LAMA5: variants seen among roughly 807,000 people sequenced by gnomAD.
LAMA5 encodes the protein laminin subunit alpha-5.
Under a neutral mutation model 433.4 loss-of-function variants are expected in LAMA5, and 260 were observed. That is an observed-to-expected ratio of 0.60 (90% CI 0.54 to 0.66). The LOEUF is 0.66. Ranked by LOEUF, LAMA5 falls within the 30% of genes least tolerant of loss-of-function variation. The probability of loss-of-function intolerance (pLI) is 0.00; values close to 1 mark genes in which losing one functional copy is unlikely to be tolerated. For synonymous variants in LAMA5, 2,620 were observed against 2,226.6 expected, an observed-to-expected ratio of 1.18 and a Z score of -4.97; for missense variants, 5,378 against 5,258.5, an observed-to-expected ratio of 1.02 and a Z score of -0.70.
chr20:62,343,844 T>TA (rs900882673), intron 11 of LAMA5, among the ~76,000 whole-genome samples: 1 of 142,822 alleles, frequency 7.0e-6, no homozygotes, highest in Non-Finnish European at 1.5e-5. Context: ...AAAGTGCAGC[T>TA]AAAAATGACA....
At position 62,332,608 on chromosome 20, in the gene LAMA5, G is replaced by A; in HGVS notation, c.3392C>T (p.Pro1131Leu). Residue 1131 changes from proline to leucine, a missense_variant, in exon 27 of 80, where the codon CCA becomes CTA. By Grantham distance (98) the Pro-to-Leu change is moderately conservative (BLOSUM62 -3). Coordinates refer to ENST00000252999, the MANE Select transcript of LAMA5 (RefSeq NM_005560.6). Reference sequence around the variant, plus strand: ...CAGCCCCTGCTGGGGGGCCCGCTGTGGGGTGTGCACGGCCACGCCCACCTC... The same window carrying A: ...CAGCCCCTGCTGGGGGGCCCGCTGTAGGGTGTGCACGGCCACGCCCACCTC... ...RQEVGVAVHT[P>L]QRAPQQGLLS... 2 of 1,602,136 alleles carry A rather than the reference G, an allele frequency of 1.2e-6. No individual in the cohort carries two copies. Among genetic ancestry groups the A allele is most frequent in the Non-Finnish European group, 1.7e-6 (2 of 1,174,020 alleles).
chr20:62,362,871 G>A (rs557436417), intron 1 of LAMA5, among the ~76,000 whole-genome samples: 2 of 105,432 alleles, frequency 1.9e-5, no homozygotes, highest in African/African-American at 5.9e-5. Context: ...TACGTGGTAA[G>A]GGGGGGGGTG....
In LAMA5 at chr20:62,336,731, C is replaced by T. The variant is rs758103363; in HGVS notation, c.2217+3G>A. 1.2e-6 allele frequency: 2 copies of T among 1,613,074 alleles called. No individual in the cohort carries two copies. The highest frequency in any genetic ancestry group is 2.2e-5 in the East Asian group (1 of 44,882). ...TCCCACACACGAGCAGACTTGGGCTCACCTCAGGAAGGGCAGGATCCACTG... is the reference window on the plus strand; with the variant it reads ...TCCCACACACGAGCAGACTTGGGCTTACCTCAGGAAGGGCAGGATCCACTG... On this transcript the variant is annotated splice_donor_region_variant and intron_variant, in intron 17 of 79. Coordinates refer to ENST00000252999, the MANE Select transcript of LAMA5 (RefSeq NM_005560.6).
Position 62,320,937 on chromosome 20 carries a change from G to A in LAMA5, c.6497-47C>T, listed in dbSNP as rs759074620. ...AGGTCAGTGTCATTGGGTCAGGCCA[G>A]GGGAGAATGATCAGCTGGGGCCCTG... On this transcript the variant is annotated intron_variant, in intron 48 of 79. Coordinates refer to ENST00000252999, the MANE Select transcript of LAMA5 (RefSeq NM_005560.6). 6 of 1,562,540 alleles carry A rather than the reference G, an allele frequency of 3.8e-6. No homozygotes were observed. The East Asian group carries it at 6.8e-5, about 18-fold the overall frequency.
In LAMA5 at chr20:62,320,558, C is replaced by T. The variant is rs764287262; in HGVS notation, c.6759+1G>A. On this transcript the variant is annotated splice_donor_variant, in intron 50 of 79. Coordinates refer to ENST00000252999, the MANE Select transcript of LAMA5 (RefSeq NM_005560.6). LOFTEE classifies it high-confidence loss of function. ...GCCCTGGGGGGTCTTGGGGCTCCTG[C>T]CTGGCCGCCTAGCCGCCGTGCGTCC... 1 of 1,588,450 alleles carries T rather than the reference C, an allele frequency of 6.3e-7. No individual in the cohort carries two copies. The highest frequency in any genetic ancestry group is 8.5e-7 in the Non-Finnish European group (1 of 1,173,902).
chr20:62,333,114 T>G lies in LAMA5; in HGVS notation c.3258A>C (p.Pro1086=), dbSNP rs993914770. The change falls in exon 26 of 80, where the codon CCA becomes CCC. Residue 1086 remains proline, a synonymous_variant. Transcript: ENST00000252999. Reference sequence around the variant, plus strand: ...CATCACTGCCCGTGCAGGTGATCAGTGGCGGGTGCGACGGGCTGAGCTGCT... The same window carrying G: ...CATCACTGCCCGTGCAGGTGATCAGGGGCGGGTGCGACGGGCTGAGCTGCT... ...PTEQLSPSHP[P]LITCTGSDVD... 14 of 1,467,118 alleles carry G rather than the reference T, an allele frequency of 9.5e-6. No homozygotes were observed. Among genetic ancestry groups the G allele is most frequent in the Non-Finnish European group, 1.1e-5 (12 of 1,109,012 alleles). 90.9% of individuals were successfully genotyped at this position (1,467,118 alleles called of 1,614,324 possible). A position where few individuals can be genotyped will look rare whatever the true frequency, so the allele number is the denominator to read the frequency against.
Position 62,325,517 on chromosome 20 carries a change from G to A in LAMA5, c.5328C>T (p.Asn1776=), listed in dbSNP as rs1304128831. 3 of 1,611,676 alleles carry A rather than the reference G, an allele frequency of 1.9e-6. No homozygotes were observed. Among genetic ancestry groups the A allele is most frequent in the Non-Finnish European group, 2.5e-6 (3 of 1,179,256 alleles). Residue 1776 remains asparagine (N), a synonymous_variant, in exon 41 of 80, where the codon AAC becomes AAT. Coordinates refer to ENST00000252999, the MANE Select transcript of LAMA5 (RefSeq NM_005560.6). Reference sequence around the variant, plus strand: ...TCATGAGCTCCTCGCGGGACACAGTGTTGCGCGTCTCCGTATGCCGGAAGT... The same window carrying A: ...TCATGAGCTCCTCGCGGGACACAGTATTGCGCGTCTCCGTATGCCGGAAGT... ...EGNFRHTETR[N]TVSREELMMV... is the part of the protein sequence containing the mutation.
chr20:62,362,566 G>A lies in LAMA5; in HGVS notation c.298-14C>T, dbSNP rs199988913. 5.1e-5 allele frequency: 78 copies of A among 1,520,470 alleles called. No individual in the cohort carries two copies. The highest frequency in any genetic ancestry group is 3.9e-4 in the East Asian group (16 of 40,596). 94.2% of individuals were successfully genotyped at this position (1,520,470 alleles called of 1,614,324 possible). A position where few individuals can be genotyped will look rare whatever the true frequency, so the allele number is the denominator to read the frequency against. ...ACAGTACTGGCCCTGCAGAGGGAACGGGAGGGTCAGATAGCCGAGAAGGGC... is the reference window on the plus strand; with the variant it reads ...ACAGTACTGGCCCTGCAGAGGGAACAGGAGGGTCAGATAGCCGAGAAGGGC... On this transcript the variant is annotated splice_polypyrimidine_tract_variant and intron_variant, in intron 1 of 79. Coordinates refer to ENST00000252999, the MANE Select transcript of LAMA5 (RefSeq NM_005560.6).
At chr20:62,363,828 T>C (rs940996064) in intron 1 of LAMA5, among the ~76,000 whole-genome samples, 1 of 151,244 alleles carries the variant, frequency 6.6e-6, no homozygotes, top group African/African-American at 2.4e-5. Context: ...TCGCCCAGAG[T>C]GTGCCCTCTG....
At chr20:62,316,451 G>C in intron 57 of LAMA5, 1 of 522,448 alleles carries the variant, frequency 1.9e-6, no homozygotes, top group East Asian at 3.0e-5. Flanking sequence ...CTCAGTGGCA[G>C]CCAGTGCCTC....
Position 62,326,701 on chromosome 20 carries a change from G to A in LAMA5, c.5274C>T (p.His1758=). Residue 1758 remains histidine (H), a synonymous_variant, in exon 40 of 80, where the codon CAC becomes CAT. Transcript: ENST00000252999. ...CCTCCACCAGCTGCAGCTGCCCACG[G>A]TGAACGTGGCCAGGCGTGGGGTATG... ...EPAYPTPGHV[H]RGQLQLVEGN... The A allele has an allele frequency of 1.2e-6, 2 of 1,612,726 alleles. No individual in the cohort carries two copies. The highest frequency in any genetic ancestry group is 1.7e-6 in the Non-Finnish European group (2 of 1,179,730).
Position 62,322,640 on chromosome 20 carries a change from CTTA to C in LAMA5, c.6165+15_6165+17del. 7.0e-7 allele frequency: 1 copy of C among 1,430,584 alleles called. No individual in the cohort carries two copies. The highest frequency in any genetic ancestry group is 9.6e-7 in the Non-Finnish European group (1 of 1,046,120). 88.6% of individuals were successfully genotyped at this position (1,430,584 alleles called of 1,614,324 possible). On this transcript the variant is annotated intron_variant, in intron 46 of 79. Transcript: ENST00000252999. ...CCTAGGCCCCACCCACCCAGCCCTG[CTTA>C]CCCCACAGCCCTACCTGGCAGCGGT...
rs1338251452 is a variant in LAMA5 at position 62,328,086 on chromosome 20, C to T, written c.4653-76G>A. ...AAAGTGAGACCTCGTAGGCACCCCC[C>T]ACCCAGGCAGCATCCTCCCAGAAGT... On this transcript the variant is annotated intron_variant, in intron 35 of 79. Transcript: ENST00000252999. The T allele has an allele frequency of 2.4e-5, 38 of 1,582,826 alleles. No individual in the cohort carries two copies. In the South Asian group the frequency reaches 3.5e-4, roughly 15 times the overall value.
chr20:62,352,278 G>A lies in LAMA5; in HGVS notation c.651C>T (p.Thr217=), dbSNP rs201297656. 1.9e-5 allele frequency: 31 copies of A among 1,600,180 alleles called. No individual in the cohort carries two copies. Among genetic ancestry groups the A allele is most frequent in the Admixed American group, 3.3e-5 (2 of 59,990 alleles). Residue 217 remains threonine (T), a synonymous_variant, in exon 4 of 80, where the codon ACC becomes ACT. Coordinates refer to ENST00000252999, the MANE Select transcript of LAMA5 (RefSeq NM_005560.6). ...CCAGGGGCACGATGCGTGAGTACTC[G>A]GTGGTGCAGATGGCCGCGTCGTCCC... ...ITRDDAAICT[T]EYSRIVPLEN... is the part of the protein sequence containing the mutation.
chr20:62,311,816 T>TGCCC, intron 70 of LAMA5, 32 bp from the exon 71 acceptor site: 6 of 1,520,952 alleles, frequency 3.9e-6, no homozygotes, highest in Non-Finnish European at 5.4e-6. Context: ...GCTCGGTTTT[T>TGCCC]CCCCACCCTG....
In LAMA5 at chr20:62,314,844, G is replaced by T; in HGVS notation, c.8151C>A (p.Gly2717=). 6.2e-7 allele frequency: 1 copy of T among 1,612,718 alleles called. No individual in the cohort carries two copies. Among genetic ancestry groups the T allele is most frequent in the South Asian group, 1.1e-5 (1 of 91,076 alleles). The part of the protein sequence containing the change: ...NASLALSASI[G]RVRELIAQAR... ...CCTGGGCAATGAGCTCTCGCACGCG[G>T]CCAATGCTGGCGGACAGGGCCAGGC... Residue 2717 remains glycine, a synonymous_variant, in exon 60 of 80, where the codon GGC becomes GGA. Transcript: ENST00000252999.
In LAMA5 at chr20:62,316,581, C is replaced by T. The variant is rs150402827; in HGVS notation, c.7756+90G>A. 1.3e-4 allele frequency: 134 copies of T among 1,010,152 alleles called. No individual in the cohort carries two copies. The East Asian group carries it at 3.5e-3, about 26-fold the overall frequency. The allele number at this position is 1,010,152 out of a possible 1,614,324, so 62.6% of individuals were successfully genotyped here. ...AACCATGCTGCGGTGACCCACAAAC[C>T]CCACGTGTGCATGTGGCTGGGGGCT... is the stretch of plus-strand genomic sequence containing the variant. On this transcript the variant is annotated intron_variant, in intron 57 of 79. Coordinates refer to ENST00000252999, the MANE Select transcript of LAMA5 (RefSeq NM_005560.6).
Position 62,367,060 on chromosome 20 carries a change from C to G in LAMA5, c.186G>C (p.Ala62=). ...LAEGARIAAS[A]TCGEEAPARG... ...GCGCCGGGGCCTCCTCTCCGCAGGTCGCGGAGGCGGCGATGCGGGCGCCCT... is the reference window on the plus strand; with the variant it reads ...GCGCCGGGGCCTCCTCTCCGCAGGTGGCGGAGGCGGCGATGCGGGCGCCCT... The change falls in exon 1 of 80, where the codon GCG becomes GCC. Residue 62 remains alanine (A), a synonymous_variant. Coordinates refer to ENST00000252999, the MANE Select transcript of LAMA5 (RefSeq NM_005560.6). The G allele has an allele frequency of 1.6e-6, 2 of 1,264,444 alleles. No homozygotes were observed. The highest frequency in any genetic ancestry group is 6.2e-5 in the South Asian group (2 of 32,318). 78.3% of individuals were successfully genotyped at this position (1,264,444 alleles called of 1,614,324 possible).
Position 62,310,567 on chromosome 20 carries a change from G to A in LAMA5, c.10452C>T (p.Thr3484=), listed in dbSNP as rs754964397. The A allele has an allele frequency of 3.4e-5, 53 of 1,548,874 alleles. No homozygotes were observed. Among genetic ancestry groups the A allele is most frequent in the South Asian group, 5.0e-5 (4 of 80,662 alleles). ...TCTTCACACAGCCGCTGAACCCGAC[G>A]GTCACCTATAGGAGCAGACCGGGCA... The part of the protein sequence containing the change: ...ASSHSSKLPV[T]VGFSGCVKRL... The change falls in exon 76 of 80, where the codon ACC becomes ACT. Residue 3484 remains threonine, a synonymous_variant. Coordinates refer to ENST00000252999, the MANE Select transcript of LAMA5 (RefSeq NM_005560.6).
Sources: allele counts gnomAD v4.1 joint callset (sites outside exome capture counted in the v4.1 genomes callset), GRCh38; gene constraint gnomAD v4.1.1; transcripts MANE v1.5; gene names NCBI Gene and HGNC (gene_info 2026-07-23, HGNC 2026-07-21).